The following PTPRD variants were observed in gnomAD, a reference collection of about 807,000 sequenced individuals.
PTPRD encodes the protein receptor-type tyrosine-protein phosphatase delta.
In PTPRD, 34 loss-of-function variants were observed where a neutral mutation model predicts 214.5. The observed-to-expected ratio is 0.16, with a 90% confidence interval of 0.12 to 0.21. The LOEUF is 0.21. Ranked by LOEUF, PTPRD falls within the 10% of genes least tolerant of loss-of-function variation. PTPRD has a pLI of 1.00. For missense variants in PTPRD, 2,545 were observed against 2,398.7 expected, an observed-to-expected ratio of 1.06 and a Z score of -1.27; for synonymous variants, 1,128 against 845.7, an observed-to-expected ratio of 1.33 and a Z score of -5.79.
intron 7 of PTPRD, among the ~76,000 whole-genome samples, chr9:9,660,024 C>G (rs1394362994): frequency 2.0e-5 from 3 of 151,942 alleles, no homozygotes; most frequent in Non-Finnish European, 2.9e-5. Flanking sequence ...CCACTTAAAA[C>G]ACAATATATT....
At chr9:9,514,942 G>C (rs2096797898) in intron 8 of PTPRD, among the ~76,000 whole-genome samples, 1 of 151,996 alleles carries the variant, frequency 6.6e-6, no homozygotes, top group South Asian at 2.1e-4. Flanking sequence ...TCTAATCAGG[G>C]GCTGATTTGA....
chr9:9,068,896 C>T lies in PTPRD; in HGVS notation c.-142-50161G>A, dbSNP rs199704372. ...AAGTATTTGGATTACAGGTGTGAGG[C>T]ACGGCTCTCGGCCTACAAAAATTTC... On this transcript the variant is annotated intron_variant, in intron 10 of 45. Transcript: ENST00000381196. Among the ~76,000 whole-genome samples, 11 of 152,238 alleles carry T rather than the reference C, an allele frequency of 7.2e-5. No homozygotes were observed. The East Asian group carries it at 9.6e-4, about 13-fold the overall frequency.
chr9:9,675,071 A>G (rs558336013), intron 7 of PTPRD, among the ~76,000 whole-genome samples: 152 of 152,052 alleles, frequency 1.0e-3, no homozygotes, highest in South Asian at 9.9e-3. Context: ...CCTCTAGCAC[A>G]TGGAACAAGT....
chr9:8,445,407 G>A (rs1252761784), intron 34 of PTPRD, among the ~76,000 whole-genome samples: 1 of 152,202 alleles, frequency 6.6e-6, no homozygotes, highest in Non-Finnish European at 1.5e-5. Flanking sequence ...TGAGGTGCCT[G>A]CTTTCAATTG....
At chr9:8,486,534 A>C in intron 27 of PTPRD, 185 bp from the exon 28 acceptor site, 1 of 714,578 alleles carries the variant, frequency 1.4e-6, no homozygotes, top group Non-Finnish European at 2.5e-6. Flanking sequence ...ACTTTATTAA[A>C]GTAGGCTGAG....
At chr9:8,454,749 A>G (rs1288752385) in intron 33 of PTPRD, among the ~76,000 whole-genome samples, 2 of 152,218 alleles carry the variant, frequency 1.3e-5, no homozygotes, top group Non-Finnish European at 2.9e-5. Flanking sequence ...GCGAATCAAA[A>G]TATTTATAGA....
At chr9:9,116,230 A>T (rs1418701589) in intron 10 of PTPRD, among the ~76,000 whole-genome samples, 1 of 152,194 alleles carries the variant, frequency 6.6e-6, no homozygotes, top group African/African-American at 2.4e-5. Flanking sequence ...TTATTTAAAA[A>T]ATAAGAAAAT....
chr9:9,112,943 T>C (rs2099808118), intron 10 of PTPRD, among the ~76,000 whole-genome samples: 1 of 151,778 alleles, frequency 6.6e-6, no homozygotes, highest in Admixed American at 6.6e-5. Context: ...GACAAACTTT[T>C]AGAAATCTGA....
chr9:8,320,724 C>T (rs941716730), intron 44 of PTPRD, among the ~76,000 whole-genome samples: 1 of 151,632 alleles, frequency 6.6e-6, no homozygotes, highest in Non-Finnish European at 1.5e-5. Context: ...GCAACTAAAA[C>T]CACATTAGAA....
At chr9:9,360,283 A>G (rs117510883) in intron 9 of PTPRD, among the ~76,000 whole-genome samples, 5,528 of 151,218 alleles carry the variant, frequency 0.037, 152 homozygotes, top group Middle Eastern at 0.065. Context: ...TGGCAAAGCC[A>G]TAAGAGAGAA....
chr9:9,768,916 C>T (rs180850691), intron 5 of PTPRD, among the ~76,000 whole-genome samples: 1 of 152,070 alleles, frequency 6.6e-6, no homozygotes, highest in Non-Finnish European at 1.5e-5. Context: ...ATCTCTCTAG[C>T]CATTAGGAAT....
intron 9 of PTPRD, among the ~76,000 whole-genome samples, chr9:9,346,266 G>C (rs1030519026): frequency 2.6e-5 from 4 of 152,198 alleles, no homozygotes; most frequent in Admixed American, 1.3e-4. Flanking sequence ...ATTTGAGAAA[G>C]AAAACTGTAC....
chr9:8,856,098 C>G (rs180907831), intron 11 of PTPRD, among the ~76,000 whole-genome samples: 32 of 152,236 alleles, frequency 2.1e-4, no homozygotes, highest in Middle Eastern at 3.4e-3. Context: ...AATGTGTTCT[C>G]TTTTTGCTAT....
chr9:8,911,444 A>T (rs536257433), intron 11 of PTPRD, among the ~76,000 whole-genome samples: 2,779 of 125,394 alleles, frequency 0.022, 84 homozygotes, highest in African/African-American at 0.079. Flanking sequence ...TGTGTGTGAG[A>T]GAGAGAGAGA....
At chr9:8,618,866 T>TTGTGTGTGTGTG (rs371767469) in intron 14 of PTPRD, among the ~76,000 whole-genome samples, 9 of 130,926 alleles carry the variant, frequency 6.9e-5, no homozygotes, top group African/African-American at 2.3e-4. Context: ...CCAGCTAATT[T>TTGTGTGTGTGTG]TGTGTGTGTG....
At chr9:9,697,753 T>C (rs1303029898) in intron 7 of PTPRD, among the ~76,000 whole-genome samples, 1 of 152,190 alleles carries the variant, frequency 6.6e-6, no homozygotes, top group East Asian at 1.9e-4. Flanking sequence ...ATAAACTTTC[T>C]ACCCCTTGGT....
At chr9:9,068,223 TCA>T (rs1183277569) in intron 10 of PTPRD, among the ~76,000 whole-genome samples, 1 of 152,200 alleles carries the variant, frequency 6.6e-6, no homozygotes, top group African/African-American at 2.4e-5. Flanking sequence ...AAATGGTGTA[TCA>T]CAGTTTTTTA....
chr9:10,026,389 C>T (rs182809698), intron 4 of PTPRD, among the ~76,000 whole-genome samples: 10 of 152,238 alleles, frequency 6.6e-5, no homozygotes, highest in African/African-American at 2.4e-4. Flanking sequence ...AATAAACTGA[C>T]ATTGTTTAAA....
intron 8 of PTPRD, among the ~76,000 whole-genome samples, chr9:9,476,834 C>G (rs1172227434): frequency 2.0e-5 from 3 of 152,104 alleles, no homozygotes; most frequent in Non-Finnish European, 2.9e-5. Context: ...CTCCTGGGTT[C>G]AAGTGATTCT....
Sources: gnomAD v4.1 joint callset for allele counts (sites outside exome capture counted in the v4.1 genomes callset) on GRCh38, gnomAD v4.1.1 for gene constraint, MANE v1.5 for transcripts, NCBI Gene and HGNC (gene_info 2026-07-23, HGNC 2026-07-21) for gene names.